CSMD1: variants seen among roughly 807,000 people sequenced by gnomAD.
The protein encoded by CSMD1 is CUB and sushi domain-containing protein 1.
Under a neutral mutation model 417.5 loss-of-function variants are expected in CSMD1, and 213 were observed. The observed-to-expected ratio is 0.51, with a 90% CI of 0.46 to 0.57. The LOEUF is 0.57. CSMD1 is among the 20% of genes least tolerant of loss of function. The pLI, the probability that CSMD1 is intolerant of heterozygous loss-of-function variation, is 0.00. For synonymous variants in CSMD1, 2,862 were observed against 1,736.8 expected (o/e 1.65, Z -16.11); for missense variants, 6,923 against 4,529.7 (o/e 1.53, Z -15.17).
At position 3,702,988 on chromosome 8, in the gene CSMD1, A is replaced by G. The variant is rs937318618; in HGVS notation, c.1009+5426T>C. On this transcript the variant is annotated intron_variant, in intron 7 of 69. Transcript: ENST00000635120. ...CCAGATGCCCTTTTGGAGACATAAT[A>G]TTGCCCATTTACATTGCACTTTTTC... Among the ~76,000 whole-genome samples, 5 of 152,216 alleles carry G rather than the reference A, an allele frequency of 3.3e-5. No homozygotes were observed. In the East Asian group the frequency reaches 7.7e-4, roughly 23 times the overall value.
intron 17 of CSMD1, among the ~76,000 whole-genome samples, chr8:3,394,013 T>TATATATAC (rs1811519688): frequency 7.0e-5 from 1 of 14,274 alleles, no homozygotes; most frequent in East Asian, 1.4e-3. Context: ...AAAAATAAAT[T>TATATATAC]ATATATATAT....
chr8:4,369,737 T>C (rs1427081954), intron 3 of CSMD1, among the ~76,000 whole-genome samples: 1 of 152,234 alleles, frequency 6.6e-6, no homozygotes, highest in Non-Finnish European at 1.5e-5. Context: ...GATCGTTTTC[T>C]CTAATATAGA....
At chr8:3,721,108 C>T (rs1802142439) in intron 6 of CSMD1, among the ~76,000 whole-genome samples, 1 of 152,150 alleles carries the variant, frequency 6.6e-6, no homozygotes, top group Non-Finnish European at 1.5e-5. Context: ...CAGGTGTGAG[C>T]CACCATGCCC....
chr8:3,451,981 T>C (rs1454726575), intron 12 of CSMD1, among the ~76,000 whole-genome samples: 1 of 125,084 alleles, frequency 8.0e-6, no homozygotes, highest in African/African-American at 3.3e-5. Context: ...TTGTCTCCTC[T>C]TTTATTTCAT....
At chr8:4,100,334 T>G (rs1393508393) in intron 3 of CSMD1, among the ~76,000 whole-genome samples, 1 of 152,190 alleles carries the variant, frequency 6.6e-6, no homozygotes, top group Non-Finnish European at 1.5e-5. Flanking sequence ...AATGAATGCC[T>G]CGTGACTTCT....
intron 3 of CSMD1, among the ~76,000 whole-genome samples, chr8:4,235,574 G>C (rs1178261806): frequency 6.6e-6 from 1 of 152,106 alleles, no homozygotes. Flanking sequence ...CTTTTATAAA[G>C]AATTCCATCT....
intron 2 of CSMD1, among the ~76,000 whole-genome samples, chr8:4,422,794 G>C (rs189660058): frequency 2.8e-3 from 422 of 152,198 alleles, no homozygotes; most frequent in African/African-American, 9.7e-3. Context: ...CCAAGTAAGA[G>C]AAAATAGAAA....
rs147058237 is a variant in CSMD1, at chr8:4,397,361, G to A, written c.415+22592C>T. Among the ~76,000 whole-genome samples, 846 of 152,038 alleles carry A rather than the reference G, an allele frequency of 5.6e-3. 6 individuals carry two copies. Among genetic ancestry groups the A allele is most frequent in the Middle Eastern group, 0.017 (5 of 294 alleles). On this transcript the variant is annotated intron_variant, in intron 3 of 69. Coordinates refer to ENST00000635120, the MANE Select transcript of CSMD1 (RefSeq NM_033225.6). Reference sequence around the variant, plus strand: ...TTATCTTTCCATGAAAGAGGAAGTCGAAAAAGATATAATCTTAAGTGGAAA... The same window carrying A: ...TTATCTTTCCATGAAAGAGGAAGTCAAAAAAGATATAATCTTAAGTGGAAA...
intron 26 of CSMD1, among the ~76,000 whole-genome samples, chr8:3,273,780 C>T (rs1216574046): frequency 2.9e-5 from 4 of 139,516 alleles, no homozygotes; most frequent in Non-Finnish European, 6.2e-5. Flanking sequence ...GTGGTGATAT[C>T]CCCTTTATCA....
At chr8:2,961,436 T>A (rs531484687) in intron 61 of CSMD1, among the ~76,000 whole-genome samples, 2 of 152,310 alleles carry the variant, frequency 1.3e-5, no homozygotes, top group African/African-American at 4.8e-5. Context: ...TTCAGTATGT[T>A]CTTCTTATAT....
chr8:4,301,973 A>G (rs1174039704), intron 3 of CSMD1, among the ~76,000 whole-genome samples: 1 of 152,212 alleles, frequency 6.6e-6, no homozygotes, highest in African/African-American at 2.4e-5. Flanking sequence ...GCCTCAAACT[A>G]GATCCTGTTC....
intron 3 of CSMD1, among the ~76,000 whole-genome samples, chr8:4,270,847 C>G (rs1585132369): frequency 6.6e-6 from 1 of 152,192 alleles, no homozygotes; most frequent in South Asian, 2.1e-4. Context: ...TCCCCACTTA[C>G]TCACTGATGC....
intron 42 of CSMD1, among the ~76,000 whole-genome samples, chr8:3,111,635 C>G (rs1816522150): frequency 6.6e-6 from 1 of 152,000 alleles, no homozygotes; most frequent in African/African-American, 2.4e-5. Flanking sequence ...AGTTTGAGAC[C>G]AGCCTGACCA....
At chr8:4,619,405 ATAAT>A (rs1038112584) in intron 2 of CSMD1, among the ~76,000 whole-genome samples, 1 of 152,178 alleles carries the variant, frequency 6.6e-6, no homozygotes, top group African/African-American at 2.4e-5. Flanking sequence ...TTTTCATGAA[ATAAT>A]TAATTTAGTC....
intron 3 of CSMD1, among the ~76,000 whole-genome samples, chr8:4,126,750 A>G (rs747504360): frequency 5.9e-5 from 9 of 152,198 alleles, no homozygotes; most frequent in Non-Finnish European, 1.2e-4. Flanking sequence ...ACAAAAAAAT[A>G]AACATACAAC....
At chr8:3,541,554 ATAAAT>A (rs888792838) in intron 10 of CSMD1, among the ~76,000 whole-genome samples, 8 of 144,944 alleles carry the variant, frequency 5.5e-5, no homozygotes, top group African/African-American at 2.0e-4. Flanking sequence ...AAATATGAGA[ATAAAT>A]TAAATATATA....
chr8:4,204,166 T>C (rs1314989022), intron 3 of CSMD1, among the ~76,000 whole-genome samples: 1 of 152,174 alleles, frequency 6.6e-6, no homozygotes, highest in African/African-American at 2.4e-5. Flanking sequence ...ATTCATTGAC[T>C]GTGCCCATGT....
chr8:3,457,103 C>G (rs913860583), intron 12 of CSMD1, among the ~76,000 whole-genome samples: 1 of 151,754 alleles, frequency 6.6e-6, no homozygotes, highest in African/African-American at 2.4e-5. Context: ...GGACCCCTCC[C>G]TCTGAATCCC....
intron 2 of CSMD1, among the ~76,000 whole-genome samples, chr8:4,564,902 C>G (rs1051379088): frequency 1.3e-5 from 2 of 152,186 alleles, no homozygotes; most frequent in Non-Finnish European, 2.9e-5. Context: ...TTAATTCACC[C>G]ATTTCTCTAT....
Sources: gnomAD v4.1 joint callset for allele counts (sites outside exome capture counted in the v4.1 genomes callset) on GRCh38, gnomAD v4.1.1 for gene constraint, MANE v1.5 for transcripts, NCBI Gene and HGNC (gene_info 2026-07-23, HGNC 2026-07-21) for gene names.